CSMD1: variants seen among roughly 807,000 people sequenced by gnomAD.
CSMD1 encodes CUB and Sushi multiple domains 1.
A neutral mutation model predicts 417.5 loss-of-function variants in CSMD1; 213 were observed. That is an observed-to-expected ratio of 0.51 (90% CI 0.46 to 0.57). The LOEUF (loss-of-function observed/expected upper bound fraction) is 0.57, where lower values mean the gene tolerates loss of function less well. Ranked by LOEUF, CSMD1 falls within the 20% of genes least tolerant of loss-of-function variation. The pLI is 0.00. For synonymous variants in CSMD1, 2,862 were observed against 1,736.8 expected, an observed-to-expected ratio of 1.65 and a Z score of -16.11; for missense variants, 6,923 against 4,529.7, an observed-to-expected ratio of 1.53 and a Z score of -15.17.
chr8:3,427,451 T>C (rs1233197102), intron 12 of CSMD1, among the ~76,000 whole-genome samples: 1 of 152,176 alleles, frequency 6.6e-6, no homozygotes, highest in Non-Finnish European at 1.5e-5. Flanking sequence ...AATTCCTATA[T>C]ATATATTTTT....
intron 5 of CSMD1, among the ~76,000 whole-genome samples, chr8:3,843,501 AG>A (rs1375348344): frequency 6.6e-6 from 1 of 152,226 alleles, no homozygotes; most frequent in African/African-American, 2.4e-5. Context: ...ATGAAACATG[AG>A]ACAGATATGA....
intron 2 of CSMD1, among the ~76,000 whole-genome samples, chr8:4,461,459 G>A (rs1370771720): frequency 7.0e-6 from 1 of 143,456 alleles, no homozygotes; most frequent in African/African-American, 2.6e-5. Flanking sequence ...GAACATCTTA[G>A]ATATCCATTA....
intron 2 of CSMD1, among the ~76,000 whole-genome samples, chr8:4,449,047 G>C (rs1465056638): frequency 1.3e-5 from 2 of 152,112 alleles, no homozygotes; most frequent in Non-Finnish European, 2.9e-5. Context: ...TTGAGTAAAA[G>C]GCCCACAGAA....
chr8:4,054,725 AT>A (rs977959966), intron 3 of CSMD1, among the ~76,000 whole-genome samples: 1 of 152,134 alleles, frequency 6.6e-6, no homozygotes, highest in African/African-American at 2.4e-5. Flanking sequence ...GAAAATAAAC[AT>A]TTGGACATTT....
chr8:3,377,435 C>G (rs922263251), intron 18 of CSMD1, among the ~76,000 whole-genome samples: 3 of 152,180 alleles, frequency 2.0e-5, no homozygotes, highest in African/African-American at 7.2e-5. Flanking sequence ...TTTATATCGA[C>G]AGACAATAAA....
chr8:4,404,010 C>T (rs1157453848), intron 3 of CSMD1, among the ~76,000 whole-genome samples: 2 of 152,194 alleles, frequency 1.3e-5, no homozygotes, highest in African/African-American at 2.4e-5. Context: ...AATTAGCAAA[C>T]TCGATTGGTA....
intron 3 of CSMD1, among the ~76,000 whole-genome samples, chr8:4,417,838 C>G (rs1034179507): frequency 1.3e-5 from 2 of 151,992 alleles, no homozygotes; most frequent in Non-Finnish European, 2.9e-5. Context: ...TTTATGCACT[C>G]TTAATAAATT....
chr8:3,401,928 G>C (rs1812062948), intron 15 of CSMD1, among the ~76,000 whole-genome samples: 1 of 150,688 alleles, frequency 6.6e-6, no homozygotes, highest in Non-Finnish European at 1.5e-5. Flanking sequence ...ATGAGCCAAT[G>C]AGGTGTTTAG....
chr8:3,882,562 C>G (rs534046442), intron 5 of CSMD1, among the ~76,000 whole-genome samples: 1 of 152,104 alleles, frequency 6.6e-6, no homozygotes, highest in Non-Finnish European at 1.5e-5. Context: ...AGGCATATAC[C>G]CAATATTCAC....
chr8:4,394,320 T>C (rs763779248), intron 3 of CSMD1, among the ~76,000 whole-genome samples: 233 of 152,186 alleles, frequency 1.5e-3, no homozygotes, highest in Non-Finnish European at 1.3e-3. Context: ...GTTTCAATAA[T>C]TTAATGGAGA....
intron 10 of CSMD1, among the ~76,000 whole-genome samples, chr8:3,540,173 T>C (rs1184139454): frequency 6.6e-6 from 1 of 152,140 alleles, no homozygotes; most frequent in African/African-American, 2.4e-5. Context: ...ACAGTGACAG[T>C]TTAGTCTTGA....
chr8:3,287,873 C>G (rs1172288314), intron 25 of CSMD1, among the ~76,000 whole-genome samples: 1 of 146,994 alleles, frequency 6.8e-6, no homozygotes, highest in African/African-American at 2.7e-5. Flanking sequence ...GCATCCCTCT[C>G]TTGTGCCAGT....
intron 3 of CSMD1, among the ~76,000 whole-genome samples, chr8:4,054,235 A>T (rs965884704): frequency 2.0e-5 from 3 of 152,184 alleles, no homozygotes; most frequent in African/African-American, 7.2e-5. Context: ...GTAGCTGAAC[A>T]TGGACAAATG....
chr8:4,961,763 T>G (rs1009047267), intron 1 of CSMD1, among the ~76,000 whole-genome samples: 1 of 152,160 alleles, frequency 6.6e-6, no homozygotes, highest in African/African-American at 2.4e-5. Context: ...AATCTAGCAA[T>G]TTCTGTCCAT....
Position 4,728,248 on chromosome 8 carries a change from G to T in CSMD1, c.86-90690C>A, listed in dbSNP as rs970468707. Among the ~76,000 whole-genome samples the T allele has an allele frequency of 3.3e-5, 5 of 149,744 alleles. No individual in the cohort carries two copies. The Admixed American group carries it at 3.3e-4, about 10-fold the overall frequency. On this transcript the variant is annotated intron_variant, in intron 1 of 69. Transcript: ENST00000635120. ...AGTGTGATCCTACACCTAATGATAT[G>T]AAGTAAAATGCATGTATATGATTTG... is the stretch of plus-strand genomic sequence containing the variant.
At chr8:4,746,015 A>G (rs17500) in intron 1 of CSMD1, among the ~76,000 whole-genome samples, 27,808 of 152,174 alleles carry the variant, frequency 0.18, 3,376 homozygotes, top group African/African-American at 0.35. Flanking sequence ...AAAATCTTCT[A>G]AACTGTAAAA....
At chr8:4,437,955 C>A (rs111655862) in intron 2 of CSMD1, among the ~76,000 whole-genome samples, 2 of 152,110 alleles carry the variant, frequency 1.3e-5, no homozygotes, top group African/African-American at 4.8e-5. Flanking sequence ...AAGTGTTTTC[C>A]ATGTATTTTC....
At chr8:4,691,226 A>G (rs1806749462) in intron 1 of CSMD1, among the ~76,000 whole-genome samples, 1 of 152,204 alleles carries the variant, frequency 6.6e-6, no homozygotes. Context: ...TGGGCTGGTG[A>G]GCAGAAATTA....
intron 10 of CSMD1, among the ~76,000 whole-genome samples, chr8:3,526,775 A>C (rs1473902939): frequency 6.6e-6 from 1 of 152,172 alleles, no homozygotes; most frequent in Non-Finnish European, 1.5e-5. Flanking sequence ...TGTAAAACAC[A>C]CTTCCTAGTA....
Sources: allele counts gnomAD v4.1 joint callset (sites outside exome capture counted in the v4.1 genomes callset), GRCh38; gene constraint gnomAD v4.1.1; transcripts MANE v1.5; gene names NCBI Gene and HGNC (gene_info 2026-07-23, HGNC 2026-07-21).